Variants in CEP43 observed in about 807,000 individuals in gnomAD.
CEP43 encodes centrosomal protein 43, also known as FGFR1 oncogene partner.
A neutral mutation model predicts 52.6 loss-of-function variants in CEP43; 36 were observed. That is an observed-to-expected ratio of 0.68 (90% CI 0.52 to 0.90). The LOEUF (loss-of-function observed/expected upper bound fraction) is 0.90. CEP43 is among the 40% of genes least tolerant of loss of function. The pLI, the probability that CEP43 is intolerant of heterozygous loss-of-function variation, is 0.00. For missense variants in CEP43, 506 were observed against 472.8 expected, an observed-to-expected ratio of 1.07 and a Z score of -0.65; for synonymous variants, 192 against 172.4, an observed-to-expected ratio of 1.11 and a Z score of -0.89.
chr6:167,015,659 ATGTGTCCGG>A (rs2128661587), intron 7 of CEP43, among the ~76,000 whole-genome samples: 1 of 152,280 alleles, frequency 6.6e-6, no homozygotes, highest in African/African-American at 2.4e-5. Flanking sequence ...GGAGTGTCGC[ATGTGTCCGG>A]TTGCTTTCGA....
intron 7 of CEP43, among the ~76,000 whole-genome samples, chr6:167,017,265 G>T (rs1169510269): frequency 2.0e-5 from 3 of 152,104 alleles, no homozygotes. Context: ...AAAGTGCTGG[G>T]ATTACAGGTG....
At chr6:167,035,723 C>T (rs572908873) in intron 12 of CEP43, among the ~76,000 whole-genome samples, 3 of 152,190 alleles carry the variant, frequency 2.0e-5, no homozygotes, top group South Asian at 4.1e-4. Flanking sequence ...CCTGCCACCA[C>T]GCCCAGCTGA....
In CEP43 at chr6:167,010,798, A is replaced by C. The variant is rs1230296898; in HGVS notation, c.439-15A>C. ...ATTTTTAAATGTATTTTAATTTTAA[A>C]CTAAAATATTTTAGGGTGCACTTGA... On this transcript the variant is annotated splice_polypyrimidine_tract_variant and intron_variant, in intron 5 of 12. Coordinates refer to ENST00000366847, the MANE Select transcript of CEP43 (RefSeq NM_007045.4). 7.2e-7 allele frequency: 1 copy of C among 1,394,362 alleles called. No individual in the cohort carries two copies. The highest frequency in any genetic ancestry group is 2.7e-5 in the Admixed American group (1 of 37,470). The allele number at this position is 1,394,362 out of a possible 1,614,324, so 86.4% of individuals were successfully genotyped here.
At chr6:166,999,616 G>C in intron 1 of CEP43, 102 bp downstream of exon 1, 1 of 874,836 alleles carries the variant, frequency 1.1e-6, no homozygotes, top group Non-Finnish European at 1.6e-6. Flanking sequence ...CCTGGCGAGG[G>C]ACCGGGGCCG....
In CEP43 at chr6:167,010,636, A is replaced by G. The variant is rs112064450; in HGVS notation, c.439-177A>G. Among the ~76,000 whole-genome samples the G allele has an allele frequency of 3.7e-3, 557 of 152,322 alleles. 2 individuals carry two copies. The highest frequency in any genetic ancestry group is 0.013 in the African/African-American group (521 of 41,556). ...AGGTAATTAGAATCTAGGGATGTGT[A>G]GAAGGTTTTTGAGGGGGTAAAATTA... is the stretch of plus-strand genomic sequence containing the variant. On this transcript the variant is annotated intron_variant, in intron 5 of 12. Transcript: ENST00000366847.
chr6:167,019,320 G>A (rs1351817217), intron 7 of CEP43, among the ~76,000 whole-genome samples: 1 of 151,964 alleles, frequency 6.6e-6, no homozygotes, highest in South Asian at 2.1e-4. Flanking sequence ...CTGTGCACAC[G>A]GGTACACCTG....
Position 167,045,304 on chromosome 6 carries a change from G to A in CEP43, c.*5326G>A, listed in dbSNP as rs62436765. 0.33 allele frequency: 49,147 copies of A among 149,546 alleles called. 8,771 individuals are homozygous for A. Among genetic ancestry groups the A allele is most frequent in the Middle Eastern group, 0.44 (129 of 294 alleles). The allele number at this position is 149,546 out of a possible 1,614,324, so 9.3% of individuals were successfully genotyped here. ...TTTTTAGTAGACACGGGATCTCACC[G>A]TGTTGGCCAGGCTGGTCTTGAACTC... On this transcript the variant is annotated 3_prime_UTR_variant, in exon 13 of 13. Transcript: ENST00000366847.
chr6:167,041,806 A>T lies in CEP43; in HGVS notation c.*1828A>T. On this transcript the variant is annotated 3_prime_UTR_variant, in exon 13 of 13. Coordinates refer to ENST00000366847, the MANE Select transcript of CEP43 (RefSeq NM_007045.4). ...ATGCCAAATATGAAACTTTTTTGTC[A>T]GCACTACATACATCTTTTTTTTGCG... The T allele has an allele frequency of 1.4e-6, 1 of 738,724 alleles. No individual in the cohort carries two copies. Among genetic ancestry groups the T allele is most frequent in the Non-Finnish European group, 1.6e-6 (1 of 615,690 alleles). 45.8% of individuals were successfully genotyped at this position (738,724 alleles called of 1,614,324 possible). A position where few individuals can be genotyped will look rare whatever the true frequency, so the allele number is the denominator to read the frequency against.
intron 9 of CEP43, among the ~76,000 whole-genome samples, chr6:167,025,421 C>G (rs907044402): frequency 1.4e-4 from 21 of 152,172 alleles, no homozygotes; most frequent in Non-Finnish European, 2.5e-4. Context: ...CCCACCTCTC[C>G]CCACACACAG....
chr6:167,028,135 C>A, intron 10 of CEP43: 1 of 985,764 alleles, frequency 1.0e-6, no homozygotes, highest in Non-Finnish European at 1.2e-6. Flanking sequence ...TGATGGCCGC[C>A]TTGTCCCCTT....
chr6:167,004,313 T>C lies in CEP43; in HGVS notation c.350T>C (p.Ile117Thr), dbSNP rs1779803515. Residue 117 changes from isoleucine to threonine, a missense_variant, in exon 5 of 13, where the codon ATT becomes ACT. Ile to Thr is a moderately conservative substitution (Grantham distance 89). Transcript: ENST00000366847. ...AATTTAGCCCGAGATTTAGGTATAA[T>C]TGAAGCAGAAGGTACTGTGGGTGGA... Reference protein sequence around the residue: ...RENLARDLGIIEAEGTVGGPL... With the variant: ...RENLARDLGITEAEGTVGGPL... 2 of 1,610,724 alleles carry C rather than the reference T, an allele frequency of 1.2e-6. No individual in the cohort carries two copies. Among genetic ancestry groups the C allele is most frequent in the East Asian group, 2.2e-5 (1 of 44,768 alleles).
rs1199849294 is a variant in CEP43 at position 167,041,605 on chromosome 6, A to G, written c.*1627A>G. Reference sequence around the variant, plus strand: ...GTCCCCTGGAATCTGGATCACATGTATGATTTATTTTTAATATTTGATAGG... The same window carrying G: ...GTCCCCTGGAATCTGGATCACATGTGTGATTTATTTTTAATATTTGATAGG... On this transcript the variant is annotated 3_prime_UTR_variant, in exon 13 of 13. Transcript: ENST00000366847. 2 of 1,044,294 alleles carry G rather than the reference A, an allele frequency of 1.9e-6. No individual in the cohort carries two copies. Among genetic ancestry groups the G allele is most frequent in the Non-Finnish European group, 2.3e-6 (2 of 865,848 alleles). 64.7% of individuals were successfully genotyped at this position (1,044,294 alleles called of 1,614,324 possible). A position where few individuals can be genotyped will look rare whatever the true frequency, so the allele number is the denominator to read the frequency against.
At chr6:167,021,609 C>A (rs1196321890) in intron 7 of CEP43, among the ~76,000 whole-genome samples, 1 of 151,898 alleles carries the variant, frequency 6.6e-6, no homozygotes, top group Non-Finnish European at 1.5e-5. Context: ...GTTAGGACTC[C>A]CTGAAAACAA....
chr6:167,028,015 C>G (rs1473173374), intron 10 of CEP43: 1 of 985,586 alleles, frequency 1.0e-6, no homozygotes, highest in East Asian at 1.1e-4. Context: ...TCCTTTCCCT[C>G]CCTTGTGCTT....
At chr6:167,021,673 C>T (rs574220269) in intron 7 of CEP43, among the ~76,000 whole-genome samples, 2 of 152,186 alleles carry the variant, frequency 1.3e-5, no homozygotes, top group South Asian at 4.1e-4. Context: ...AAGGATGATT[C>T]AGAATTTTTT....
Position 166,999,434 on chromosome 6 carries a change from G to A in CEP43, c.22G>A (p.Val8Met), listed in dbSNP as rs751916198. The part of the protein sequence containing the change: MAATAAA[V>M]VAEEDTELRD... ...CAAGATGGCGGCGACGGCGGCCGCAGTGGTGGCCGAGGAGGACACGGAGCT... is the reference window on the plus strand; with the variant it reads ...CAAGATGGCGGCGACGGCGGCCGCAATGGTGGCCGAGGAGGACACGGAGCT... The change falls in exon 1 of 13, where the codon GTG becomes ATG. Residue 8 changes from valine to methionine, a missense_variant. By Grantham distance (21) the Val-to-Met change is conservative. Coordinates refer to ENST00000366847, the MANE Select transcript of CEP43 (RefSeq NM_007045.4). 1.0e-4 allele frequency: 154 copies of A among 1,479,038 alleles called. No homozygotes were observed. Among genetic ancestry groups the A allele is most frequent in the Admixed American group, 2.4e-4 (10 of 42,350 alleles). 91.6% of individuals were successfully genotyped at this position (1,479,038 alleles called of 1,614,324 possible). A position where few individuals can be genotyped will look rare whatever the true frequency, so the allele number is the denominator to read the frequency against.
intron 12 of CEP43, among the ~76,000 whole-genome samples, chr6:167,035,620 G>T (rs933764469): frequency 2.0e-5 from 3 of 151,276 alleles, no homozygotes; most frequent in Non-Finnish European, 4.4e-5. Context: ...AGGCTGGAGT[G>T]CAGTGGCGCT....
Position 167,041,827 on chromosome 6 carries a change from T to TTTGG in CEP43, c.*1850_*1851insTGGT, listed in dbSNP as rs1780701430. On this transcript the variant is annotated 3_prime_UTR_variant, in exon 13 of 13. Coordinates refer to ENST00000366847, the MANE Select transcript of CEP43 (RefSeq NM_007045.4). ...TGTCAGCACTACATACATCTTTTTT[T>TTTGG]TGCGGGGGGCGGGGGGGACAGAGTC... is the stretch of plus-strand genomic sequence containing the variant. 1 of 379,594 alleles carries TTTGG rather than the reference T, an allele frequency of 2.6e-6. No individual in the cohort carries two copies. Among genetic ancestry groups the TTTGG allele is most frequent in the Admixed American group, 2.7e-4 (1 of 3,668 alleles). 23.5% of individuals were successfully genotyped at this position (379,594 alleles called of 1,614,324 possible). A position where few individuals can be genotyped will look rare whatever the true frequency, so the allele number is the denominator to read the frequency against.
At chr6:167,023,223 T>C (rs1348617917) in intron 8 of CEP43, among the ~76,000 whole-genome samples, 3 of 152,144 alleles carry the variant, frequency 2.0e-5, no homozygotes, top group Non-Finnish European at 4.4e-5. Context: ...GATGAGGAGC[T>C]GGACGGCTTT....
Sources: gnomAD v4.1 joint callset for allele counts (sites outside exome capture counted in the v4.1 genomes callset) on GRCh38, gnomAD v4.1.1 for gene constraint, MANE v1.5 for transcripts, NCBI Gene and HGNC (gene_info 2026-07-23, HGNC 2026-07-21) for gene names.